The following DHX29 variants were observed in gnomAD, a reference collection of about 807,000 sequenced individuals.
The protein encoded by DHX29 is DExH-box helicase 29.
In DHX29, 79 loss-of-function variants were observed where a neutral mutation model predicts 167.9. That is an observed-to-expected ratio of 0.47 (90% CI 0.39 to 0.57). The LOEUF is 0.57. Ranked by LOEUF, DHX29 falls within the 20% of genes least tolerant of loss-of-function variation. DHX29 has a pLI of 0.00. For synonymous variants in DHX29, 530 were observed against 546.0 expected, an observed-to-expected ratio of 0.97 and a Z score of 0.41; for missense variants, 1,347 against 1,593.4, an observed-to-expected ratio of 0.85 and a Z score of 2.63.
At chr5:55,266,548 A>ATTTTTT (rs563215075) in intron 23 of DHX29, among the ~76,000 whole-genome samples, 7,898 of 137,894 alleles carry the variant, frequency 0.057, 358 homozygotes, top group African/African-American at 0.11. Flanking sequence ...ACCTCAGGTG[A>ATTTTTT]TTTTTTTTTT....
intron 11 of DHX29, among the ~76,000 whole-genome samples, chr5:55,281,899 T>C (rs1747443317): frequency 6.6e-6 from 1 of 151,742 alleles, no homozygotes; most frequent in Non-Finnish European, 1.5e-5. Context: ...GATTCTCTTG[T>C]CTCAGCCTCC....
At chr5:55,294,490 C>T (rs751936605) in intron 5 of DHX29, among the ~76,000 whole-genome samples, 20 of 152,100 alleles carry the variant, frequency 1.3e-4, no homozygotes, top group Admixed American at 2.6e-4. Flanking sequence ...CTGGCTAACA[C>T]GGTGAAACCC....
intron 6 of DHX29, among the ~76,000 whole-genome samples, chr5:55,292,892 C>G (rs1323836160): frequency 1.3e-5 from 2 of 152,134 alleles, no homozygotes; most frequent in Non-Finnish European, 2.9e-5. Flanking sequence ...GAGACCTCTT[C>G]TTTCTCCAAA....
rs1159412582 is a variant in DHX29 at position 55,270,628 on chromosome 5, T to C, written c.2943A>G (p.Arg981=). The C allele has an allele frequency of 3.2e-5, 52 of 1,614,090 alleles. No homozygotes were observed. The highest frequency in any genetic ancestry group is 4.3e-5 in the Non-Finnish European group (51 of 1,180,046). Residue 981 remains arginine (R), a synonymous_variant, in exon 19 of 27, where the codon AGA becomes AGG. Coordinates refer to ENST00000251636, the MANE Select transcript of DHX29 (RefSeq NM_019030.4). Reference sequence around the variant, plus strand: ...AGAAGCCATCTCTGACCCGCCCAGCTCTTCCCTGGCGCTGCAAAGCACTGG... The same window carrying C: ...AGAAGCCATCTCTGACCCGCCCAGCCCTTCCCTGGCGCTGCAAAGCACTGG... ...SKASALQRQG[R]AGRVRDGFCF...
At chr5:55,277,336 A>T in intron 12 of DHX29, 54 bp from the exon 13 acceptor site, 1 of 1,233,000 alleles carries the variant, frequency 8.1e-7, no homozygotes, top group Non-Finnish European at 1.1e-6. Context: ...AAATTCTAGT[A>T]AGAGGCTTGA....
At chr5:55,304,226 T>C (rs1748744673) in intron 1 of DHX29, among the ~76,000 whole-genome samples, 1 of 152,044 alleles carries the variant, frequency 6.6e-6, no homozygotes, top group African/African-American at 2.4e-5. Flanking sequence ...CTCAAGGCCT[T>C]TCTGTTCCCT....
intron 18 of DHX29, among the ~76,000 whole-genome samples, chr5:55,271,324 C>CTT (rs1354819051): frequency 1.3e-5 from 2 of 152,210 alleles, no homozygotes; most frequent in Non-Finnish European, 2.9e-5. Flanking sequence ...GAACTAGGCA[C>CTT]TTTCAGTTAT....
At chr5:55,304,057 A>C (rs976825471) in intron 1 of DHX29, among the ~76,000 whole-genome samples, 1 of 152,208 alleles carries the variant, frequency 6.6e-6, no homozygotes, top group Non-Finnish European at 1.5e-5. Flanking sequence ...CTCAGTCATA[A>C]CATGATAAAG....
chr5:55,306,066 G>A (rs1017533147), intron 1 of DHX29, among the ~76,000 whole-genome samples: 5 of 152,124 alleles, frequency 3.3e-5, no homozygotes, highest in Non-Finnish European at 7.4e-5. Flanking sequence ...GTAAAAAAGA[G>A]GCTGATCCAC....
intron 5 of DHX29, among the ~76,000 whole-genome samples, chr5:55,294,572 G>A (rs1017356021): frequency 7.1e-4 from 108 of 152,204 alleles, no homozygotes; most frequent in Non-Finnish European, 1.0e-4. Flanking sequence ...CTACTCGGGA[G>A]GCTGAGGCAG....
chr5:55,287,298 G>A (rs893413073), intron 8 of DHX29, among the ~76,000 whole-genome samples: 5 of 151,722 alleles, frequency 3.3e-5, no homozygotes, highest in Admixed American at 1.3e-4. Context: ...AAAATTAGCC[G>A]GGCATGCAGG....
At chr5:55,257,163 G>A (rs142368311) in intron 26 of DHX29, among the ~76,000 whole-genome samples, 3 of 152,294 alleles carry the variant, frequency 2.0e-5, no homozygotes, top group Non-Finnish European at 4.4e-5. Flanking sequence ...AAGGGGTTTT[G>A]TTAACAACTG....
chr5:55,269,509 C>G lies in DHX29; in HGVS notation c.3198G>C (p.Leu1066=). 1 of 1,614,122 alleles carries G rather than the reference C, an allele frequency of 6.2e-7. No individual in the cohort carries two copies. Among genetic ancestry groups the G allele is most frequent in the South Asian group, 1.1e-5 (1 of 91,080 alleles). The change falls in exon 21 of 27, where the codon CTG becomes CTC. Residue 1066 remains leucine (L), a synonymous_variant. Coordinates refer to ENST00000251636, the MANE Select transcript of DHX29 (RefSeq NM_019030.4). ...CTGCAAGGTGTTGGCCCAACGGAGTCAGTTTAGGCTCATTTAATTCACAAG... is the reference window on the plus strand; with the variant it reads ...CTGCAAGGTGTTGGCCCAACGGAGTGAGTTTAGGCTCATTTAATTCACAAG... ...IGACELNEPK[L]TPLGQHLAAL... is the part of the protein sequence containing the mutation.
intron 1 of DHX29, among the ~76,000 whole-genome samples, chr5:55,305,574 T>C (rs921039052): frequency 3.9e-5 from 6 of 152,220 alleles, no homozygotes; most frequent in African/African-American, 1.4e-4. Flanking sequence ...CTGATGTTGA[T>C]ATGCAAGACC....
intron 25 of DHX29, among the ~76,000 whole-genome samples, chr5:55,260,972 C>T (rs1299859868): frequency 6.6e-6 from 1 of 152,116 alleles, no homozygotes; most frequent in Non-Finnish European, 1.5e-5. Context: ...AGATTTGAAT[C>T]TTGCTCTGTC....
intron 26 of DHX29, among the ~76,000 whole-genome samples, chr5:55,258,064 A>C (rs541580245): frequency 3.7e-4 from 56 of 152,316 alleles, no homozygotes; most frequent in Non-Finnish European, 7.1e-4. Flanking sequence ...CTAGATCAGT[A>C]GCTCCCCCAA....
At chr5:55,260,940 AAT>A (rs764664388) in intron 25 of DHX29, among the ~76,000 whole-genome samples, 16 of 152,316 alleles carry the variant, frequency 1.1e-4, no homozygotes, top group Admixed American at 2.0e-4. Context: ...AATGAGAATA[AAT>A]TTGGGTATCA....
intron 1 of DHX29, among the ~76,000 whole-genome samples, chr5:55,304,846 A>G (rs4634310): frequency 0.11 from 16,714 of 152,216 alleles, 1,056 homozygotes; most frequent in East Asian, 0.26. Flanking sequence ...GAGTAGAACC[A>G]TTACATCTAC....
intron 12 of DHX29, among the ~76,000 whole-genome samples, chr5:55,278,405 T>C (rs763607450): frequency 6.6e-6 from 1 of 152,252 alleles, no homozygotes; most frequent in Non-Finnish European, 1.5e-5. Context: ...AAAAGTCATT[T>C]AAATATTCTG....
Sources: gnomAD v4.1 joint callset for allele counts (sites outside exome capture counted in the v4.1 genomes callset) on GRCh38, gnomAD v4.1.1 for gene constraint, MANE v1.5 for transcripts, NCBI Gene and HGNC (gene_info 2026-07-23, HGNC 2026-07-21) for gene names.